The following SLC44A5 variants were observed in gnomAD, a reference collection of about 807,000 sequenced individuals.
SLC44A5 encodes the protein solute carrier family 44 member 5.
Under a neutral mutation model 101.8 loss-of-function variants are expected in SLC44A5, and 57 were observed. The ratio of observed to expected loss-of-function variants is 0.56; its 90% CI spans 0.45 to 0.70. SLC44A5 has a LOEUF of 0.70. Ranked by LOEUF, SLC44A5 falls within the 30% of genes least tolerant of loss-of-function variation. The pLI is 0.00. For missense variants in SLC44A5, 737 were observed against 853.1 expected, an observed-to-expected ratio of 0.86 and a Z score of 1.70; for synonymous variants, 281 against 290.9, an observed-to-expected ratio of 0.97 and a Z score of 0.35.
intron 7 of SLC44A5, among the ~76,000 whole-genome samples, chr1:75,250,586 C>A (rs1219677116): frequency 6.6e-6 from 1 of 152,138 alleles, no homozygotes; most frequent in Non-Finnish European, 1.5e-5. Context: ...CCACTTATAA[C>A]CAGTTTGTGT....
the SLC44A5 span, among the ~76,000 whole-genome samples, chr1:75,632,244 G>C: frequency 1.3e-5 from 2 of 152,038 alleles, no homozygotes; most frequent in Non-Finnish European, 2.9e-5. Flanking sequence ...GTACAGACTT[G>C]AGCTCTTTAT....
chr1:75,442,181 A>T (rs1665246236), intron 2 of SLC44A5, among the ~76,000 whole-genome samples: 1 of 152,168 alleles, frequency 6.6e-6, no homozygotes, highest in East Asian at 1.9e-4. Context: ...TGTTTAACCC[A>T]TATAAAACAT....
At chr1:75,626,195 A>G in the SLC44A5 span, among the ~76,000 whole-genome samples, 1 of 152,154 alleles carries the variant, frequency 6.6e-6, no homozygotes, top group Non-Finnish European at 1.5e-5. Flanking sequence ...TGCTCCGTCA[A>G]TGTAAAGGAC....
At chr1:75,699,637 G>A in the SLC44A5 span, among the ~76,000 whole-genome samples, 3 of 149,276 alleles carry the variant, frequency 2.0e-5, no homozygotes, top group African/African-American at 5.0e-5. Context: ...ATAATGACAG[G>A]ACCAAATTCA....
chr1:75,275,744 T>C (rs996532671), intron 5 of SLC44A5, among the ~76,000 whole-genome samples: 4 of 152,104 alleles, frequency 2.6e-5, no homozygotes, highest in Admixed American at 6.6e-5. Context: ...AGCTAGACCA[T>C]AGGACCACAG....
At chr1:75,598,032 A>C (rs1174154687) in intron 1 of SLC44A5, among the ~76,000 whole-genome samples, 2 of 152,134 alleles carry the variant, frequency 1.3e-5, no homozygotes, top group Non-Finnish European at 1.5e-5. Context: ...AAATTTTTGC[A>C]ACTATGCATC....
chr1:75,210,919 T>C lies in SLC44A5; in HGVS notation c.2047+549A>G, dbSNP rs184116444. On this transcript the variant is annotated intron_variant, in intron 23 of 23. Coordinates refer to ENST00000370859, the MANE Select transcript of SLC44A5 (RefSeq NM_001130058.2). ...ATAATTAATAAATAACAACTGTAAATATTTAAGGTGTGTAATGTTTTGATA... is the reference window on the plus strand; with the variant it reads ...ATAATTAATAAATAACAACTGTAAACATTTAAGGTGTGTAATGTTTTGATA... Among the ~76,000 whole-genome samples, 372 of 152,296 alleles carry C rather than the reference T, an allele frequency of 2.4e-3. 1 individual carries two copies. Among genetic ancestry groups the C allele is most frequent in the Middle Eastern group, 0.014 (4 of 294 alleles).
upstream of SLC44A5, among the ~76,000 whole-genome samples, chr1:75,615,047 C>G (rs1389552044): frequency 2.0e-5 from 3 of 152,160 alleles, no homozygotes; most frequent in Non-Finnish European, 4.4e-5. Context: ...CGAGTCGCGC[C>G]CCGGACCACG....
At chr1:75,645,587 G>C in the SLC44A5 span, among the ~76,000 whole-genome samples, 4 of 151,574 alleles carry the variant, frequency 2.6e-5, no homozygotes, top group African/African-American at 4.8e-5. Context: ...TGCCTGTTCA[G>C]TCTGATGGTA....
intron 2 of SLC44A5, among the ~76,000 whole-genome samples, chr1:75,513,517 C>A (rs773084820): frequency 6.6e-6 from 1 of 152,154 alleles, no homozygotes; most frequent in Non-Finnish European, 1.5e-5. Flanking sequence ...TAGAATATAT[C>A]AGAGGGCTAA....
At chr1:75,623,334 T>C in the SLC44A5 span, among the ~76,000 whole-genome samples, 1 of 151,922 alleles carries the variant, frequency 6.6e-6, no homozygotes, top group African/African-American at 2.4e-5. Flanking sequence ...ATGACAGAAA[T>C]GAACTAGGCA....
intron 2 of SLC44A5, among the ~76,000 whole-genome samples, chr1:75,511,890 G>T (rs1347278357): frequency 6.6e-6 from 1 of 152,130 alleles, no homozygotes; most frequent in East Asian, 1.9e-4. Flanking sequence ...TTCAAGTGAG[G>T]CATTAAAGAA....
At chr1:75,341,354 C>T (rs1408878480) in intron 3 of SLC44A5, among the ~76,000 whole-genome samples, 1 of 152,104 alleles carries the variant, frequency 6.6e-6, no homozygotes, top group East Asian at 1.9e-4. Flanking sequence ...TGATGGTGCA[C>T]ACCTGTAGTC....
intron 1 of SLC44A5, among the ~76,000 whole-genome samples, chr1:75,604,563 C>T (rs771123096): frequency 7.9e-5 from 12 of 151,964 alleles, no homozygotes; most frequent in Non-Finnish European, 1.5e-4. Flanking sequence ...TGAAAAATGC[C>T]ATTGGTAGCT....
intron 3 of SLC44A5, among the ~76,000 whole-genome samples, chr1:75,364,127 G>A (rs1659693171): frequency 1.3e-5 from 2 of 152,126 alleles, no homozygotes; most frequent in Admixed American, 1.3e-4. Flanking sequence ...TTATTATGAT[G>A]TGTCTTGGTG....
intron 2 of SLC44A5, among the ~76,000 whole-genome samples, chr1:75,430,447 A>G (rs1664552545): frequency 2.0e-5 from 3 of 152,228 alleles, no homozygotes; most frequent in South Asian, 2.1e-4. Flanking sequence ...CAAATGGACT[A>G]AGACAATCAT....
intron 1 of SLC44A5, among the ~76,000 whole-genome samples, chr1:75,591,043 T>G (rs1674323429): frequency 6.6e-6 from 1 of 152,148 alleles, no homozygotes; most frequent in South Asian, 2.1e-4. Context: ...ATACTGGTGG[T>G]GGCCACAGGA....
rs1262370454 is a variant in SLC44A5 at position 75,439,527 on chromosome 1, G to C, written c.14-42906C>G. Among the ~76,000 whole-genome samples, 3 of 151,678 alleles carry C rather than the reference G, an allele frequency of 2.0e-5. No homozygotes were observed. The Admixed American group carries it at 2.0e-4, about 10-fold the overall frequency. Reference sequence around the variant, plus strand: ...GAGCCCAGGAGTTTAAGATCAACTGGGGCAACATAGTGAGACCCTGTCTCT... The same window carrying C: ...GAGCCCAGGAGTTTAAGATCAACTGCGGCAACATAGTGAGACCCTGTCTCT... On this transcript the variant is annotated intron_variant, in intron 2 of 23. Coordinates refer to ENST00000370859, the MANE Select transcript of SLC44A5 (RefSeq NM_001130058.2).
intron 2 of SLC44A5, among the ~76,000 whole-genome samples, chr1:75,404,252 G>C (rs1662701147): frequency 6.6e-6 from 1 of 152,116 alleles, no homozygotes; most frequent in Admixed American, 6.5e-5. Flanking sequence ...CCAGGAGAAT[G>C]GAACCACGTT....
Sources: allele counts gnomAD v4.1 joint callset (sites outside exome capture counted in the v4.1 genomes callset), GRCh38; gene constraint gnomAD v4.1.1; transcripts MANE v1.5; gene names NCBI Gene and HGNC (gene_info 2026-07-23, HGNC 2026-07-21).